ZSCAN18: variants seen among roughly 807,000 people sequenced by gnomAD.
The protein encoded by ZSCAN18 is zinc finger and SCAN domain containing 18.
A neutral mutation model predicts 31.1 loss-of-function variants in ZSCAN18; 16 were observed. The ratio of observed to expected loss-of-function variants is 0.51; its 90% CI spans 0.35 to 0.78. The LOEUF is 0.78. Ranked by LOEUF, ZSCAN18 falls within the 30% of genes least tolerant of loss-of-function variation. The pLI, the probability that ZSCAN18 is intolerant of heterozygous loss-of-function variation, is 0.01. For missense variants in ZSCAN18, 731 were observed against 697.4 expected (o/e 1.05, Z -0.54); for synonymous variants, 375 against 320.7 (o/e 1.17, Z -1.81).
intron 1 of ZSCAN18, among the ~76,000 whole-genome samples, chr19:58,104,876 T>C (rs2074623589): frequency 6.6e-6 from 1 of 152,212 alleles, no homozygotes; most frequent in African/African-American, 2.4e-5. Flanking sequence ...CTAAGATCAC[T>C]GAGGAAGGTC....
intron 1 of ZSCAN18, among the ~76,000 whole-genome samples, chr19:58,111,388 C>T (rs1600013628): frequency 6.6e-6 from 1 of 152,030 alleles, no homozygotes; most frequent in African/African-American, 2.4e-5. Flanking sequence ...ATTCTGCTAC[C>T]CTGGCAGGAA....
chr19:58,098,916 A>C (rs1311470892), upstream of ZSCAN18, among the ~76,000 whole-genome samples: 2 of 152,174 alleles, frequency 1.3e-5, no homozygotes, highest in African/African-American at 4.8e-5. Flanking sequence ...TACCCACCCC[A>C]GGGATTCAGG....
At chr19:58,093,941 T>C (rs2074467788) in intron 1 of ZSCAN18, among the ~76,000 whole-genome samples, 1 of 151,818 alleles carries the variant, frequency 6.6e-6, no homozygotes, top group Admixed American at 6.6e-5. Flanking sequence ...ATTTTTGTAT[T>C]TTTAGTACAG....
intron 1 of ZSCAN18, chr19:58,108,304 A>G: frequency 1.0e-6 from 1 of 985,488 alleles, no homozygotes; most frequent in Non-Finnish European, 1.2e-6. Context: ...ATAAGGTTGG[A>G]GACATCAGAA....
chr19:58,112,450 A>G (rs1483077222), intron 1 of ZSCAN18, among the ~76,000 whole-genome samples: 1 of 151,996 alleles, frequency 6.6e-6, no homozygotes, highest in African/African-American at 2.4e-5. Context: ...GGAGATCGAG[A>G]TCATCCTGGC....
chr19:58,115,521 A>G (rs2074722605), intron 1 of ZSCAN18, among the ~76,000 whole-genome samples: 1 of 152,226 alleles, frequency 6.6e-6, no homozygotes, highest in African/African-American at 2.4e-5. Flanking sequence ...AGGTGGAGTC[A>G]ACGTGTGTAT....
chr19:58,101,331 A>C (rs1175541822), upstream of ZSCAN18, among the ~76,000 whole-genome samples: 1 of 65,144 alleles, frequency 1.5e-5, no homozygotes, highest in Non-Finnish European at 3.0e-5. Context: ...TTGTATTTTT[A>C]GTAGAGACAG....
intron 1 of ZSCAN18, chr19:58,109,420 G>A: frequency 8.8e-7 from 1 of 1,134,398 alleles, no homozygotes; most frequent in Non-Finnish European, 1.1e-6. Flanking sequence ...CTGATGCTGT[G>A]CCCATTCTGT....
exon 1 of ZSCAN18, chr19:58,118,321 G>A: frequency 6.5e-7 from 1 of 1,529,862 alleles, no homozygotes; most frequent in Non-Finnish European, 8.8e-7. Flanking sequence ...AAACAGACCC[G>A]AGAGGCCGCG....
At chr19:58,104,400 AAC>A (rs910122125) in intron 1 of ZSCAN18, among the ~76,000 whole-genome samples, 2 of 136,436 alleles carry the variant, frequency 1.5e-5, no homozygotes, top group African/African-American at 7.0e-5. Flanking sequence ...AACAAAACAA[AAC>A]AAAAAAAAAG....
upstream of ZSCAN18, among the ~76,000 whole-genome samples, chr19:58,098,802 G>A (rs2074567725): frequency 6.6e-6 from 1 of 152,186 alleles, no homozygotes; most frequent in Non-Finnish European, 1.5e-5. Flanking sequence ...ACAGAGACAG[G>A]GACCAGCAGA....
intron 1 of ZSCAN18, chr19:58,109,424 A>C: frequency 9.4e-7 from 1 of 1,062,454 alleles, no homozygotes; most frequent in Non-Finnish European, 1.2e-6. Flanking sequence ...TGCTGTGCCC[A>C]TTCTGTGACA....
chr19:58,107,161 A>G (rs62127266), intron 1 of ZSCAN18, among the ~76,000 whole-genome samples: 34,974 of 152,160 alleles, frequency 0.23, 4,428 homozygotes, highest in Middle Eastern at 0.36. Flanking sequence ...TGTGAGAACA[A>G]CATTCATCTC....
At chr19:58,086,459 C>T (rs754303995) in intron 5 of ZSCAN18, 193 bp from the exon 6 acceptor site, 9 of 523,676 alleles carry the variant, frequency 1.7e-5, no homozygotes, top group Non-Finnish European at 2.7e-5. Context: ...GGAAGGGCAA[C>T]GGGGCAGGCG....
At position 58,088,847 on chromosome 19, in the gene ZSCAN18, G is replaced by A; in HGVS notation, c.404-10C>T. 1 of 1,606,628 alleles carries A rather than the reference G, an allele frequency of 6.2e-7. No homozygotes were observed. Among genetic ancestry groups the A allele is most frequent in the Non-Finnish European group, 8.5e-7 (1 of 1,175,830 alleles). The stretch of plus-strand genomic sequence containing the variant: ...GAGCCCAGCAGCATCCCTGTCAACA[G>A]TGGAGGGACCTGTGACCCCAAGAGG... On this transcript the variant is annotated splice_polypyrimidine_tract_variant and intron_variant, in intron 2 of 6. Coordinates refer to ENST00000601144, the MANE Select transcript of ZSCAN18 (RefSeq NM_001145543.2).
chr19:58,099,941 A>C (rs2074578297), upstream of ZSCAN18, among the ~76,000 whole-genome samples: 1 of 149,822 alleles, frequency 6.7e-6, no homozygotes, highest in Non-Finnish European at 1.5e-5. Context: ...TTTTTAAAAA[A>C]ATTGCTCAGT....
intron 1 of ZSCAN18, chr19:58,109,176 C>G: frequency 8.1e-7 from 1 of 1,231,304 alleles, no homozygotes; most frequent in African/African-American, 1.6e-5. Flanking sequence ...CCTCACATTC[C>G]CAGACCTCTC....
chr19:58,110,610 T>C (rs1473888882), intron 1 of ZSCAN18, among the ~76,000 whole-genome samples: 1 of 152,230 alleles, frequency 6.6e-6, no homozygotes, highest in Admixed American at 6.5e-5. Context: ...GGATGGAACA[T>C]ACTCCATTCT....
chr19:58,111,860 C>G (rs561896115), intron 1 of ZSCAN18, among the ~76,000 whole-genome samples: 1 of 152,114 alleles, frequency 6.6e-6, no homozygotes, highest in Admixed American at 6.5e-5. Context: ...TTACACACCA[C>G]GAGCAAGTAG....
Sources: allele counts gnomAD v4.1 joint callset (sites outside exome capture counted in the v4.1 genomes callset), GRCh38; gene constraint gnomAD v4.1.1; transcripts MANE v1.5; gene names NCBI Gene and HGNC (gene_info 2026-07-23, HGNC 2026-07-21).